Variants in RALGPS1 observed in about 807,000 individuals in gnomAD.
The protein encoded by RALGPS1 is Ral GEF with PH domain and SH3 binding motif 1, also known as ras-specific guanine nucleotide-releasing factor RalGPS1.
Under a neutral mutation model 78.8 loss-of-function variants are expected in RALGPS1, and 19 were observed. The observed-to-expected ratio is 0.24, with a 90% CI of 0.17 to 0.35. The LOEUF is 0.35. RALGPS1 is among the 10% of genes least tolerant of loss of function. The pLI, the probability that RALGPS1 is intolerant of heterozygous loss-of-function variation, is 1.00. For missense variants in RALGPS1, 454 were observed against 688.3 expected, an observed-to-expected ratio of 0.66 and a Z score of 3.81; for synonymous variants, 228 against 256.3, an observed-to-expected ratio of 0.89 and a Z score of 1.06.
chr9:127,002,964 T>A (rs570598653), intron 4 of RALGPS1, among the ~76,000 whole-genome samples: 2,080 of 152,268 alleles, frequency 0.014, 57 homozygotes, highest in African/African-American at 0.047. Flanking sequence ...ATATACCCAG[T>A]AATGGGATGG....
At chr9:127,111,639 C>T (rs2054827145) in intron 8 of RALGPS1, among the ~76,000 whole-genome samples, 1 of 152,220 alleles carries the variant, frequency 6.6e-6, no homozygotes, top group African/African-American at 2.4e-5. Flanking sequence ...CCAAGGTCCG[C>T]TATATACCTG....
At chr9:126,985,365 A>G (rs573257412) in intron 4 of RALGPS1, among the ~76,000 whole-genome samples, 5 of 152,372 alleles carry the variant, frequency 3.3e-5, no homozygotes, top group African/African-American at 1.2e-4. Flanking sequence ...ACCTATGAGC[A>G]TGAAATAAAT....
At chr9:127,138,643 T>C (rs1045067163) in intron 8 of RALGPS1, among the ~76,000 whole-genome samples, 1 of 152,170 alleles carries the variant, frequency 6.6e-6, no homozygotes, top group African/African-American at 2.4e-5. Flanking sequence ...CAGAATCCTG[T>C]GGAGGTCAGC....
intron 1 of RALGPS1, among the ~76,000 whole-genome samples, chr9:126,954,901 C>T (rs944409938): frequency 2.6e-5 from 4 of 152,206 alleles, no homozygotes; most frequent in African/African-American, 9.7e-5. Flanking sequence ...ATGCCCTGGC[C>T]CCAGCCTGTC....
intron 8 of RALGPS1, among the ~76,000 whole-genome samples, chr9:127,145,005 T>A (rs928553110): frequency 4.6e-4 from 70 of 152,086 alleles, no homozygotes; most frequent in Non-Finnish European, 1.0e-3. Context: ...CAATAAAAAA[T>A]AATAATAATA....
chr9:126,970,927 ATGT>A (rs1217217429), intron 3 of RALGPS1, among the ~76,000 whole-genome samples: 1 of 152,212 alleles, frequency 6.6e-6, no homozygotes, highest in Non-Finnish European at 1.5e-5. Context: ...GAGCTAAGAG[ATGT>A]TAAGATCACA....
At chr9:126,931,558 A>G (rs1366852491) in intron 1 of RALGPS1, among the ~76,000 whole-genome samples, 3 of 152,220 alleles carry the variant, frequency 2.0e-5, no homozygotes, top group East Asian at 1.9e-4. Flanking sequence ...TGAAACGTGT[A>G]GAAGAGGCAA....
At position 127,089,142 on chromosome 9, in the gene RALGPS1, C is replaced by A. The variant is rs763378961; in HGVS notation, c.610+19786C>A. On this transcript the variant is annotated intron_variant, in intron 8 of 18. Coordinates refer to ENST00000259351, the MANE Select transcript of RALGPS1 (RefSeq NM_014636.3). ...TTCTGGTAGTGGGCACAGTTTCCTG[C>A]AAGAGAGAAGGCAGTGAGAGGGTGT... 29 of 1,614,136 alleles carry A rather than the reference C, an allele frequency of 1.8e-5. 1 individual carries two copies. The Middle Eastern group carries it at 3.5e-3, about 193-fold the overall frequency.
At chr9:126,946,553 A>G (rs1269509649) in intron 1 of RALGPS1, among the ~76,000 whole-genome samples, 1 of 150,854 alleles carries the variant, frequency 6.6e-6, no homozygotes, top group East Asian at 1.9e-4. Context: ...AAAAAAAAAA[A>G]AAAGATTGAG....
chr9:126,994,924 CA>C (rs2042600396), intron 4 of RALGPS1, among the ~76,000 whole-genome samples: 1 of 152,118 alleles, frequency 6.6e-6, no homozygotes, highest in South Asian at 2.1e-4. Flanking sequence ...CATATCCAGC[CA>C]AACTAAGCTT....
chr9:126,983,223 C>T (rs1442672139), intron 4 of RALGPS1, among the ~76,000 whole-genome samples: 2 of 152,018 alleles, frequency 1.3e-5, no homozygotes, highest in Non-Finnish European at 2.9e-5. Flanking sequence ...AGATGTAAGC[C>T]ACTGCGCCCA....
chr9:127,067,675 G>A (rs748980539), intron 7 of RALGPS1, among the ~76,000 whole-genome samples: 2 of 152,226 alleles, frequency 1.3e-5, no homozygotes, highest in South Asian at 2.1e-4. Context: ...CTTGCACAGA[G>A]CATCAAGGTC....
chr9:127,153,042 T>C (rs1271195176), intron 8 of RALGPS1, among the ~76,000 whole-genome samples: 1 of 152,204 alleles, frequency 6.6e-6, no homozygotes, highest in African/African-American at 2.4e-5. Flanking sequence ...CAGAGATCCC[T>C]CAGGTTTTCG....
At chr9:127,188,447 T>C (rs1407342251) in intron 11 of RALGPS1, among the ~76,000 whole-genome samples, 1 of 152,040 alleles carries the variant, frequency 6.6e-6, no homozygotes, top group African/African-American at 2.4e-5. Context: ...TCCTTTAGAG[T>C]CATGCCTCTC....
rs2062814874 is a variant in RALGPS1 at position 127,223,003 on chromosome 9, A to G, written c.*4234A>G. ...ACCACTGAACGTCAATCAGCCCTCC[A>G]TGGGGTTCTTTCGATTTTTGGTGAA... is the stretch of plus-strand genomic sequence containing the variant. On this transcript the variant is annotated 3_prime_UTR_variant, in exon 19 of 19. Transcript: ENST00000259351. 1.3e-5 allele frequency: 2 copies of G among 152,572 alleles called. No homozygotes were observed. Among genetic ancestry groups the G allele is most frequent in the Non-Finnish European group, 2.9e-5 (2 of 68,024 alleles). The allele number at this position is 152,572 out of a possible 1,614,324, so 9.5% of individuals were successfully genotyped here.
chr9:127,138,027 G>A (rs547900394), intron 8 of RALGPS1, among the ~76,000 whole-genome samples: 1 of 152,300 alleles, frequency 6.6e-6, no homozygotes, highest in South Asian at 2.1e-4. Context: ...TCACAAAGGA[G>A]CAGCCAAGGA....
intron 7 of RALGPS1, among the ~76,000 whole-genome samples, chr9:127,061,152 A>G (rs1204167451): frequency 6.6e-6 from 1 of 152,154 alleles, no homozygotes; most frequent in Non-Finnish European, 1.5e-5. Flanking sequence ...GCATTTTGAC[A>G]TTGGCAGCAA....
intron 8 of RALGPS1, among the ~76,000 whole-genome samples, chr9:127,115,462 C>G (rs1045906370): frequency 6.6e-6 from 1 of 152,160 alleles, no homozygotes; most frequent in Admixed American, 6.5e-5. Context: ...GACTGAGCAA[C>G]AAACTATATG....
chr9:126,951,401 T>A (rs892178825), intron 1 of RALGPS1, among the ~76,000 whole-genome samples: 5 of 151,222 alleles, frequency 3.3e-5, no homozygotes, highest in Admixed American at 6.6e-5. Context: ...TTGATGAACA[T>A]CGATGCAAAA....
Sources: allele counts gnomAD v4.1 joint callset (sites outside exome capture counted in the v4.1 genomes callset), GRCh38; gene constraint gnomAD v4.1.1; transcripts MANE v1.5; gene names NCBI Gene and HGNC (gene_info 2026-07-23, HGNC 2026-07-21).